FSHR: variants seen among roughly 807,000 people sequenced by gnomAD.
FSHR encodes follicle stimulating hormone receptor, also known as follicle-stimulating hormone receptor.
In FSHR, 46 loss-of-function variants were observed where a neutral mutation model predicts 52.1. The observed-to-expected ratio is 0.88, with a 90% CI of 0.70 to 1.13. The LOEUF (loss-of-function observed/expected upper bound fraction) is 1.13, where lower values mean the gene tolerates loss of function less well. FSHR is among the 50% of genes most tolerant of loss of function. The pLI, the probability that FSHR is intolerant of heterozygous loss-of-function variation, is 0.00. For synonymous variants in FSHR, 399 were observed against 309.6 expected, an observed-to-expected ratio of 1.29 and a Z score of -3.03; for missense variants, 964 against 834.6, an observed-to-expected ratio of 1.16 and a Z score of -1.91.
chr2:49,113,052 C>A (rs755539431), intron 1 of FSHR, among the ~76,000 whole-genome samples: 7 of 152,118 alleles, frequency 4.6e-5, no homozygotes, highest in Non-Finnish European at 8.8e-5. Context: ...GTATGAGGAA[C>A]AGGCAGGATG....
At chr2:49,104,201 C>G (rs1277313071) in intron 1 of FSHR, among the ~76,000 whole-genome samples, 1 of 152,036 alleles carries the variant, frequency 6.6e-6, no homozygotes, top group Admixed American at 6.6e-5. Context: ...ACGGGTAATC[C>G]TTGAAGCTGG....
At chr2:49,075,037 G>C (rs561405019) in intron 1 of FSHR, among the ~76,000 whole-genome samples, 1 of 152,208 alleles carries the variant, frequency 6.6e-6, no homozygotes, top group South Asian at 2.1e-4. Context: ...AGGCTGGGAA[G>C]GGTATGGGGA....
intron 2 of FSHR, among the ~76,000 whole-genome samples, chr2:49,023,732 A>C (rs1338746337): frequency 6.6e-6 from 1 of 152,142 alleles, no homozygotes; most frequent in Non-Finnish European, 1.5e-5. Context: ...AGGACGGGTG[A>C]CTATAAGGGT....
At chr2:48,968,920 T>G in intron 8 of FSHR, 37 bp from the exon 9 acceptor site, 1 of 1,594,024 alleles carries the variant, frequency 6.3e-7, no homozygotes, top group Non-Finnish European at 8.6e-7. Context: ...AGGATTACTA[T>G]GGACCTAAAA....
chr2:48,988,351 G>C (rs1675613060), intron 6 of FSHR, among the ~76,000 whole-genome samples: 1 of 152,126 alleles, frequency 6.6e-6, no homozygotes, highest in South Asian at 2.1e-4. Context: ...ATGGATCCCA[G>C]GCATACTTAG....
At chr2:49,031,288 G>A (rs1461508207) in intron 2 of FSHR, among the ~76,000 whole-genome samples, 1 of 152,152 alleles carries the variant, frequency 6.6e-6, no homozygotes, top group Non-Finnish European at 1.5e-5. Context: ...ATTTAATTGT[G>A]AAGCACGCAT....
chr2:49,014,091 A>G (rs936868151), intron 4 of FSHR, among the ~76,000 whole-genome samples: 2 of 152,146 alleles, frequency 1.3e-5, no homozygotes, highest in Non-Finnish European at 2.9e-5. Context: ...CCCCAGGACC[A>G]TGAGAAACAA....
chr2:49,027,334 T>C (rs375692365), intron 2 of FSHR, among the ~76,000 whole-genome samples: 16 of 152,308 alleles, frequency 1.1e-4, no homozygotes, highest in African/African-American at 3.6e-4. Context: ...ATGAATAAAG[T>C]GTACCAATTA....
intron 1 of FSHR, among the ~76,000 whole-genome samples, chr2:49,105,501 A>G (rs1572751316): frequency 1.3e-5 from 2 of 152,112 alleles, no homozygotes; most frequent in African/African-American, 4.8e-5. Flanking sequence ...AAGGTTGGCA[A>G]TTAAACTTCA....
intron 1 of FSHR, among the ~76,000 whole-genome samples, chr2:49,080,447 G>A (rs2349712): frequency 0.49 from 74,097 of 151,804 alleles, 18,836 homozygotes; most frequent in East Asian, 0.76. Context: ...GTACCCTCAA[G>A]TATGAACATA....
chr2:49,105,593 A>G (rs1480799155), intron 1 of FSHR, among the ~76,000 whole-genome samples: 3 of 152,200 alleles, frequency 2.0e-5, no homozygotes, highest in Admixed American at 6.5e-5. Flanking sequence ...CAGAAAGATC[A>G]GGCTCTGCAA....
intron 9 of FSHR, among the ~76,000 whole-genome samples, chr2:48,965,680 T>G (rs1400250236): frequency 6.6e-6 from 1 of 152,220 alleles, no homozygotes; most frequent in Non-Finnish European, 1.5e-5. Context: ...CAGCCTTCAC[T>G]TCCTATGGCT....
In FSHR at chr2:48,968,761, A is replaced by G; in HGVS notation, c.791T>C (p.Leu264Pro). The G allele has an allele frequency of 1.9e-6, 3 of 1,614,172 alleles. No homozygotes were observed. The highest frequency in any genetic ancestry group is 2.5e-6 in the Non-Finnish European group (3 of 1,180,014). ...KLPTLEKLVA[L>P]MEASLTYPSH... is the part of the protein sequence containing the mutation. ...GGGATAGGTGAGGCTGGCTTCCATG[A>G]GGGCGACAAGCTTTTCCAGAGTAGG... Residue 264 changes from leucine (L) to proline (P), a missense_variant, in exon 9 of 10, where the codon CTC (leucine) becomes CCC (proline). Coordinates refer to ENST00000406846, the MANE Select transcript of FSHR (RefSeq NM_000145.4).
chr2:48,967,064 C>T (rs1674506695), intron 9 of FSHR, among the ~76,000 whole-genome samples: 2 of 152,156 alleles, frequency 1.3e-5, no homozygotes, highest in African/African-American at 4.8e-5. Context: ...GGCCAAATAG[C>T]ACACTGCAAG....
intron 2 of FSHR, among the ~76,000 whole-genome samples, chr2:49,065,758 A>T (rs565672973): frequency 7.2e-5 from 11 of 152,028 alleles, no homozygotes; most frequent in Non-Finnish European, 1.6e-4. Context: ...GCTAGAAGAA[A>T]AGAAAATGGC....
chr2:49,013,611 C>T (rs1667372966), intron 4 of FSHR, among the ~76,000 whole-genome samples: 1 of 150,024 alleles, frequency 6.7e-6, no homozygotes, highest in African/African-American at 2.5e-5. Context: ...TTGCCATACA[C>T]TGAGGAGGAG....
intron 1 of FSHR, among the ~76,000 whole-genome samples, chr2:49,091,344 C>T (rs1005503504): frequency 6.6e-6 from 1 of 152,134 alleles, no homozygotes; most frequent in Non-Finnish European, 1.5e-5. Flanking sequence ...TGTTCTGTCA[C>T]TCAGGCTGGA....
chr2:49,031,069 A>C (rs1668082327), intron 2 of FSHR, among the ~76,000 whole-genome samples: 1 of 152,164 alleles, frequency 6.6e-6, no homozygotes, highest in African/African-American at 2.4e-5. Context: ...GGGATCAACA[A>C]CCTGGTTCAG....
At chr2:49,145,415 G>A (rs779904855) in intron 1 of FSHR, among the ~76,000 whole-genome samples, 6 of 152,042 alleles carry the variant, frequency 3.9e-5, no homozygotes, top group Non-Finnish European at 5.9e-5. Flanking sequence ...AAGCAATGGA[G>A]TATTTTGGAA....
Sources: allele counts gnomAD v4.1 joint callset (sites outside exome capture counted in the v4.1 genomes callset), GRCh38; gene constraint gnomAD v4.1.1; transcripts MANE v1.5; gene names NCBI Gene and HGNC (gene_info 2026-07-23, HGNC 2026-07-21).